The following PCDHGB3 variants were observed in gnomAD, a reference collection of about 807,000 sequenced individuals.
PCDHGB3 encodes the protein protocadherin gamma subfamily B, 3.
Under a neutral mutation model 59.2 loss-of-function variants are expected in PCDHGB3, and 40 were observed. That is an observed-to-expected ratio of 0.68 (90% confidence interval 0.52 to 0.88). PCDHGB3 has a LOEUF of 0.88. Among genes scored for constraint, PCDHGB3 ranks in the 40% least tolerant of loss-of-function variants. PCDHGB3 has a pLI of 0.00. For missense variants in PCDHGB3, 1,309 were observed against 1,187.9 expected, an observed-to-expected ratio of 1.10 and a Z score of -1.50; for synonymous variants, 581 against 503.6, an observed-to-expected ratio of 1.15 and a Z score of -2.06.
intron 1 of PCDHGB3, among the ~76,000 whole-genome samples, chr5:141,459,035 A>T (rs1404092581): frequency 6.6e-6 from 1 of 152,218 alleles, no homozygotes; most frequent in Non-Finnish European, 1.5e-5. Context: ...ATCCAGCCTT[A>T]CCAGCTATAT....
intron 1 of PCDHGB3, among the ~76,000 whole-genome samples, chr5:141,474,096 CAACAAA>C (rs1262341033): frequency 1.3e-5 from 2 of 152,078 alleles, no homozygotes; most frequent in African/African-American, 4.8e-5. Context: ...AAACAAACAA[CAACAAA>C]AACAACAACA....
chr5:141,381,828 T>TTC (rs1777612038), intron 1 of PCDHGB3, among the ~76,000 whole-genome samples: 1 of 112,014 alleles, frequency 8.9e-6, no homozygotes, highest in Non-Finnish European at 1.8e-5. Context: ...TTCTTCTTCT[T>TTC]TTTTTTTTTT....
At chr5:141,421,892 T>C in intron 1 of PCDHGB3, 1 of 1,613,684 alleles carries the variant, frequency 6.2e-7, no homozygotes, top group Non-Finnish European at 8.5e-7. Context: ...GGCGATCCCA[T>C]CCGAAAGGGC....
chr5:141,427,265 C>G (rs767369457), intron 1 of PCDHGB3: 1 of 456,688 alleles, frequency 2.2e-6, no homozygotes, highest in Non-Finnish European at 4.4e-6. Context: ...GCATGACCAG[C>G]GAATGTAAAA....
intron 1 of PCDHGB3, among the ~76,000 whole-genome samples, chr5:141,448,700 G>A (rs2098601460): frequency 6.6e-6 from 1 of 152,106 alleles, no homozygotes; most frequent in African/African-American, 2.4e-5. Context: ...CAGCACTTTG[G>A]GAGGCCGAGG....
chr5:141,387,421 A>T (rs1379081151), intron 1 of PCDHGB3, among the ~76,000 whole-genome samples: 1 of 152,250 alleles, frequency 6.6e-6, no homozygotes, highest in Non-Finnish European at 1.5e-5. Flanking sequence ...GCTTATGTCA[A>T]TAAATGTTTA....
chr5:141,443,947 T>C (rs2098410978), intron 1 of PCDHGB3, among the ~76,000 whole-genome samples: 1 of 152,082 alleles, frequency 6.6e-6, no homozygotes, highest in Non-Finnish European at 1.5e-5. Flanking sequence ...GGTTTCCTTA[T>C]TGGTATGTAT....
At chr5:141,423,836 GATA>G (rs752488755) in intron 1 of PCDHGB3, 23 of 1,275,246 alleles carry the variant, frequency 1.8e-5, no homozygotes, top group Non-Finnish European at 2.1e-5. Context: ...ATGAGATTAC[GATA>G]ATCTTTCAGA....
intron 1 of PCDHGB3, chr5:141,416,921 G>C (rs985660835): frequency 6.6e-6 from 1 of 151,994 alleles, no homozygotes; most frequent in Non-Finnish European, 1.5e-5. Flanking sequence ...TAGGGTCATA[G>C]TTATTAACTA....
chr5:141,421,965 C>T (rs775450008), intron 1 of PCDHGB3: 3 of 1,610,242 alleles, frequency 1.9e-6, no homozygotes, highest in Non-Finnish European at 2.5e-6. Context: ...TTACACAGTC[C>T]GTATATCGCG....
At chr5:141,421,941 T>C (rs186605459) in intron 1 of PCDHGB3, 2 of 1,613,456 alleles carry the variant, frequency 1.2e-6, no homozygotes, top group East Asian at 4.5e-5. Context: ...ATGTAAATGA[T>C]CACATCCCAA....
rs149649459 is a variant in PCDHGB3, at chr5:141,505,183, G to A, written c.2475-210G>A. ...TCTAAAACAAAAAGAAAAAAGCATC[G>A]GAGGCAGCAAAGAGCTGGTTTGAGG... On this transcript the variant is annotated intron_variant, in intron 2 of 3. Transcript: ENST00000576222. Among the ~76,000 whole-genome samples, 214 of 152,244 alleles carry A rather than the reference G, an allele frequency of 1.4e-3. 1 individual carries two copies. Among genetic ancestry groups the A allele is most frequent in the African/African-American group, 4.8e-3 (200 of 41,530 alleles).
At chr5:141,419,658 A>T in intron 1 of PCDHGB3, 2 of 1,612,782 alleles carry the variant, frequency 1.2e-6, no homozygotes, top group Non-Finnish European at 1.7e-6. Flanking sequence ...GACTCGGGGC[A>T]CAATGCCTGG....
At chr5:141,468,346 A>AG (rs2099164784) in intron 1 of PCDHGB3, 33 of 147,324 alleles carry the variant, frequency 2.2e-4, no homozygotes, top group Middle Eastern at 6.9e-3. Flanking sequence ...AAAAAAAAAA[A>AG]AAAGAAAGAA....
intron 2 of PCDHGB3, among the ~76,000 whole-genome samples, chr5:141,500,112 C>G (rs2099796438): frequency 6.8e-6 from 1 of 147,138 alleles, no homozygotes; most frequent in Non-Finnish European, 1.5e-5. Context: ...TGTTGAATCC[C>G]TGCCTTTTCA....
intron 1 of PCDHGB3, among the ~76,000 whole-genome samples, chr5:141,448,975 T>C (rs888432093): frequency 6.6e-6 from 1 of 151,970 alleles, no homozygotes; most frequent in African/African-American, 2.4e-5. Flanking sequence ...AAAAAAGAAC[T>C]TCCATATTAA....
Position 141,511,159 on chromosome 5 carries a change from AAGG to A in PCDHGB3, c.2779_2781del (p.Glu927del), listed in dbSNP as rs1477173987. 3 of 1,614,186 alleles carry A rather than the reference AAGG, an allele frequency of 1.9e-6. No individual in the cohort carries two copies. The highest frequency in any genetic ancestry group is 2.2e-5 in the East Asian group (1 of 44,872). On this transcript the variant is annotated inframe_deletion, in exon 4 of 4. Coordinates refer to ENST00000576222, the MANE Select transcript of PCDHGB3 (RefSeq NM_018924.5). ...TGGCAACAAGAAGAAGTCGGGCAAG[AAGG>A]AGAAGAAGTAACATGGAGGCCAGGC... is the stretch of plus-strand genomic sequence containing the variant.
At chr5:141,405,049 C>A in intron 1 of PCDHGB3, 2 of 1,613,936 alleles carry the variant, frequency 1.2e-6, no homozygotes, top group South Asian at 2.2e-5. Flanking sequence ...CTGTGGCAGT[C>A]GTCTCCTGTG....
At chr5:141,443,713 A>G (rs774603084) in intron 1 of PCDHGB3, among the ~76,000 whole-genome samples, 19 of 152,246 alleles carry the variant, frequency 1.2e-4, no homozygotes, top group Admixed American at 8.5e-4. Flanking sequence ...ACATTTGCAT[A>G]TAAAATTCCT....
Sources: allele counts gnomAD v4.1 joint callset (sites outside exome capture counted in the v4.1 genomes callset), GRCh38; gene constraint gnomAD v4.1.1; transcripts MANE v1.5; gene names NCBI Gene and HGNC (gene_info 2026-07-23, HGNC 2026-07-21).